The following TWSG1 variants were observed in gnomAD, a reference collection of about 807,000 sequenced individuals.
TWSG1 encodes the protein twisted gastrulation protein homolog 1.
Under a neutral mutation model 23.0 loss-of-function variants are expected in TWSG1, and 15 were observed. The observed-to-expected ratio is 0.65, with a 90% CI of 0.44 to 1.00. TWSG1 has a LOEUF of 1.00. TWSG1 is among the 50% of genes least tolerant of loss of function. The pLI, the probability that TWSG1 is intolerant of heterozygous loss-of-function variation, is 0.00. For missense variants in TWSG1, 242 were observed against 278.7 expected, an observed-to-expected ratio of 0.87 and a Z score of 0.94; for synonymous variants, 86 against 92.8, an observed-to-expected ratio of 0.93 and a Z score of 0.42.
intron 3 of TWSG1, among the ~76,000 whole-genome samples, chr18:9,379,565 A>G (rs1352887191): frequency 1.3e-5 from 2 of 152,172 alleles, no homozygotes; most frequent in Admixed American, 6.6e-5. Flanking sequence ...ACTGGGTACT[A>G]TGCTTGGTAT....
rs2040760141 is a variant in TWSG1 at position 9,401,002 on chromosome 18, A to G, written c.*1475A>G. On this transcript the variant is annotated 3_prime_UTR_variant, in exon 5 of 5. Coordinates refer to ENST00000262120, the MANE Select transcript of TWSG1 (RefSeq NM_020648.6). ...GATAATGCTCTTGGACACATTTTGTATTATTCATGATCTGAATAGTAGTTA... is the reference window on the plus strand; with the variant it reads ...GATAATGCTCTTGGACACATTTTGTGTTATTCATGATCTGAATAGTAGTTA... 1 of 151,762 alleles carries G rather than the reference A, an allele frequency of 6.6e-6. No homozygotes were observed. The highest frequency in any genetic ancestry group is 2.1e-4 in the South Asian group (1 of 4,836). The allele number at this position is 151,762 out of a possible 1,614,324, so 9.4% of individuals were successfully genotyped here. A position where few individuals can be genotyped will look rare whatever the true frequency, so the allele number is the denominator to read the frequency against.
At chr18:9,397,341 G>A (rs1206191540) in intron 4 of TWSG1, among the ~76,000 whole-genome samples, 1 of 152,174 alleles carries the variant, frequency 6.6e-6, no homozygotes, top group East Asian at 1.9e-4. Context: ...TTCTTTATAA[G>A]CAAGTTGGTA....
In TWSG1 at chr18:9,399,668, T is replaced by C; in HGVS notation, c.*141T>C. On this transcript the variant is annotated 3_prime_UTR_variant, in exon 5 of 5. Transcript: ENST00000262120. ...TTGGAATAAGTTTCTTTTAAAAATA[T>C]GACATAGCCAGTGATGTGTTTAATT... 1.4e-6 allele frequency: 1 copy of C among 721,236 alleles called. No homozygotes were observed. The highest frequency in any genetic ancestry group is 2.2e-6 in the Non-Finnish European group (1 of 458,168). 44.7% of individuals were successfully genotyped at this position (721,236 alleles called of 1,614,324 possible).
chr18:9,372,787 C>G (rs1447299585), intron 3 of TWSG1, among the ~76,000 whole-genome samples: 1 of 151,446 alleles, frequency 6.6e-6, no homozygotes. Context: ...AAAATGGAAT[C>G]AAATAAAATG....
intron 3 of TWSG1, among the ~76,000 whole-genome samples, chr18:9,361,783 G>T (rs2040553595): frequency 6.6e-6 from 1 of 152,136 alleles, no homozygotes; most frequent in African/African-American, 2.4e-5. Context: ...GGGCCTCTTT[G>T]GTTTAATTTC....
chr18:9,370,500 T>C (rs1391282787), intron 3 of TWSG1, among the ~76,000 whole-genome samples: 2 of 152,194 alleles, frequency 1.3e-5, no homozygotes, highest in Non-Finnish European at 2.9e-5. Context: ...TTATGTACTT[T>C]TTTGTTGGGT....
intron 2 of TWSG1, among the ~76,000 whole-genome samples, chr18:9,343,651 G>A (rs2040458266): frequency 6.6e-6 from 1 of 152,062 alleles, no homozygotes; most frequent in Non-Finnish European, 1.5e-5. Context: ...CATTTAATAT[G>A]AATGGAATCA....
At chr18:9,396,172 T>C in intron 3 of TWSG1, 108 bp from the exon 4 acceptor site, 1 of 708,364 alleles carries the variant, frequency 1.4e-6, no homozygotes, top group Non-Finnish European at 2.1e-6. Context: ...AAAAAAAAGG[T>C]AGGAAAATAT....
intron 3 of TWSG1, among the ~76,000 whole-genome samples, chr18:9,373,839 A>G (rs545154356): frequency 4.6e-5 from 7 of 152,376 alleles, no homozygotes; most frequent in Admixed American, 3.9e-4. Flanking sequence ...TTAAAAGAAT[A>G]GAAATCCTAC....
chr18:9,400,200 C>T lies in TWSG1; in HGVS notation c.*673C>T, dbSNP rs778572719. The T allele has an allele frequency of 1.3e-5, 2 of 152,112 alleles. No homozygotes were observed. Among genetic ancestry groups the T allele is most frequent in the Non-Finnish European group, 2.9e-5 (2 of 68,028 alleles). The allele number at this position is 152,112 out of a possible 1,614,324, so 9.4% of individuals were successfully genotyped here. On this transcript the variant is annotated 3_prime_UTR_variant, in exon 5 of 5. Coordinates refer to ENST00000262120, the MANE Select transcript of TWSG1 (RefSeq NM_020648.6). ...TCCTATTCTCTTCCATTTCCCCTGC[C>T]CAAAGTGCTGACATAGGCAGTGATG... is the stretch of plus-strand genomic sequence containing the variant.
intron 3 of TWSG1, among the ~76,000 whole-genome samples, chr18:9,374,833 A>G (rs1480863418): frequency 6.6e-6 from 1 of 152,252 alleles, no homozygotes; most frequent in Non-Finnish European, 1.5e-5. Context: ...AGTGGGATAT[A>G]TCCCAAGTAT....
intron 1 of TWSG1, among the ~76,000 whole-genome samples, chr18:9,336,182 A>G (rs1176550375): frequency 1.3e-5 from 2 of 152,178 alleles, no homozygotes; most frequent in African/African-American, 4.8e-5. Context: ...ACCTGAGGTC[A>G]GGAGATCGAG....
chr18:9,382,561 C>G (rs896982459), intron 3 of TWSG1, among the ~76,000 whole-genome samples: 4 of 150,912 alleles, frequency 2.7e-5, no homozygotes, highest in African/African-American at 9.7e-5. Flanking sequence ...CACCTATAAT[C>G]CCAGCACTTT....
rs34595349 is a variant in TWSG1 at position 9,396,526 on chromosome 18, C to T, written c.470C>T (p.Ala157Val). The T allele has an allele frequency of 4.8e-3, 7,802 of 1,612,508 alleles. 33 individuals carry two copies. The highest frequency in any genetic ancestry group is 9.3e-3 in the African/African-American group (697 of 75,026). Residue 157 changes from alanine to valine, a missense_variant, in exon 4 of 5, where the codon GCG becomes GTG. By Grantham distance (64) the Ala-to-Val change is moderately conservative. Coordinates refer to ENST00000262120, the MANE Select transcript of TWSG1 (RefSeq NM_020648.6). ...TCTGTCCCCAGCAATAATGTTCACG[C>T]GCCTTATTCCAGTGACAAAGGTAAC... is the stretch of plus-strand genomic sequence containing the variant. ...NVSVPSNNVHAPYSSDKEHMC... is the reference protein window; with the variant it reads ...NVSVPSNNVHVPYSSDKEHMC...
intron 2 of TWSG1, among the ~76,000 whole-genome samples, chr18:9,346,044 A>C (rs969563869): frequency 3.3e-5 from 5 of 152,158 alleles, no homozygotes; most frequent in Admixed American, 6.5e-5. Context: ...TTACATTTTT[A>C]TGGGTTTTGA....
At chr18:9,354,034 G>T (rs565780627) in intron 2 of TWSG1, among the ~76,000 whole-genome samples, 56 of 152,170 alleles carry the variant, frequency 3.7e-4, no homozygotes, top group African/African-American at 1.3e-3. Context: ...AATTATCTAA[G>T]TTTAATTATA....
chr18:9,365,036 T>G (rs2040571282), intron 3 of TWSG1, among the ~76,000 whole-genome samples: 1 of 152,282 alleles, frequency 6.6e-6, no homozygotes. Context: ...AAAGTTGGAT[T>G]CTGCCTAAGC....
chr18:9,402,250 A>G lies in TWSG1; in HGVS notation c.*2723A>G, dbSNP rs2040765912. 1 of 152,192 alleles carries G rather than the reference A, an allele frequency of 6.6e-6. No homozygotes were observed. Among genetic ancestry groups the G allele is most frequent in the Non-Finnish European group, 1.5e-5 (1 of 68,040 alleles). The allele number at this position is 152,192 out of a possible 1,614,324, so 9.4% of individuals were successfully genotyped here. A position where few individuals can be genotyped will look rare whatever the true frequency, so the allele number is the denominator to read the frequency against. On this transcript the variant is annotated 3_prime_UTR_variant, in exon 5 of 5. Coordinates refer to ENST00000262120, the MANE Select transcript of TWSG1 (RefSeq NM_020648.6). ...AAAAAATGCAGTAAATATAAGCCAC[A>G]TTTCTAAAGTTTATTTTTATGAAAG... is the stretch of plus-strand genomic sequence containing the variant.
chr18:9,377,023 G>T (rs2040633495), intron 3 of TWSG1, among the ~76,000 whole-genome samples: 1 of 152,016 alleles, frequency 6.6e-6, no homozygotes, highest in Admixed American at 6.6e-5. Context: ...TCACGAGGCT[G>T]TGTGTAGGTA....
Sources: gnomAD v4.1 joint callset for allele counts (sites outside exome capture counted in the v4.1 genomes callset) on GRCh38, gnomAD v4.1.1 for gene constraint, MANE v1.5 for transcripts, NCBI Gene and HGNC (gene_info 2026-07-23, HGNC 2026-07-21) for gene names.